STXBP3: variants seen among roughly 807,000 people sequenced by gnomAD.
The protein encoded by STXBP3 is syntaxin binding protein 3, also known as syntaxin-binding protein 3.
Under a neutral mutation model 85.7 loss-of-function variants are expected in STXBP3, and 41 were observed. The observed-to-expected ratio is 0.48, with a 90% CI of 0.37 to 0.62. STXBP3 has a LOEUF of 0.62. Ranked by LOEUF, STXBP3 falls within the 20% of genes least tolerant of loss-of-function variation. The pLI is 0.00. For missense variants in STXBP3, 563 were observed against 703.1 expected (o/e 0.80, Z 2.25); for synonymous variants, 229 against 231.7 (o/e 0.99, Z 0.10).
Position 108,760,103 on chromosome 1 carries a change from T to C in STXBP3, c.438+18T>C. 1 of 1,482,452 alleles carries C rather than the reference T, an allele frequency of 6.7e-7. No individual in the cohort carries two copies. 91.8% of individuals were successfully genotyped at this position (1,482,452 alleles called of 1,614,324 possible). A position where few individuals can be genotyped will look rare whatever the true frequency, so the allele number is the denominator to read the frequency against. On this transcript the variant is annotated intron_variant, in intron 6 of 18. Coordinates refer to ENST00000370008, the MANE Select transcript of STXBP3 (RefSeq NM_007269.4). ...AATCTCAGGTACTTTCTATTTTTAT[T>C]TTTTAGTTCATGAGAGGTTTCAAAT...
intron 7 of STXBP3, among the ~76,000 whole-genome samples, chr1:108,775,898 A>G (rs1056094699): frequency 9.2e-5 from 14 of 151,884 alleles, no homozygotes; most frequent in African/African-American, 1.5e-4. Flanking sequence ...ATGTGTGTCA[A>G]TGTCAATGTA....
intron 6 of STXBP3, chr1:108,766,833 A>G (rs1662273375): frequency 2.8e-6 from 1 of 359,422 alleles, no homozygotes; most frequent in Admixed American, 3.5e-5. Flanking sequence ...ATGCCCTTTT[A>G]GTTGCTTTAA....
At chr1:108,783,713 G>A (rs112277318) in intron 11 of STXBP3, among the ~76,000 whole-genome samples, 1 of 152,146 alleles carries the variant, frequency 6.6e-6, no homozygotes, top group Non-Finnish European at 1.5e-5. Context: ...GTAGGATTGT[G>A]TTTAGCTTTA....
intron 7 of STXBP3, among the ~76,000 whole-genome samples, chr1:108,775,920 A>AACACACACACACACAC (rs59575550): frequency 6.7e-6 from 1 of 149,984 alleles, no homozygotes; most frequent in Admixed American, 6.7e-5. Context: ...ATAAATCTCA[A>AACACACACACACACAC]ACACACACAC....
chr1:108,788,090 C>G (rs1231948425), intron 11 of STXBP3, among the ~76,000 whole-genome samples: 33 of 152,150 alleles, frequency 2.2e-4, no homozygotes, highest in Non-Finnish European at 1.5e-5. Context: ...CCACACCCAG[C>G]CTGTTTCTGT....
intron 7 of STXBP3, among the ~76,000 whole-genome samples, chr1:108,774,274 T>A (rs1662539224): frequency 6.6e-6 from 1 of 152,142 alleles, no homozygotes; most frequent in African/African-American, 2.4e-5. Context: ...TAATAATACC[T>A]ACCATATACA....
chr1:108,752,183 G>C (rs368773307), intron 1 of STXBP3, 74 bp from the exon 2 acceptor site: 1 of 1,359,602 alleles, frequency 7.4e-7, no homozygotes, highest in African/African-American at 1.5e-5. Context: ...TTTTTCCTTA[G>C]CCATTTTGGA....
intron 6 of STXBP3, among the ~76,000 whole-genome samples, chr1:108,765,993 C>G (rs182628743): frequency 2.6e-3 from 400 of 151,734 alleles, no homozygotes; most frequent in Non-Finnish European, 4.8e-3. Context: ...GCTGGGATTA[C>G]AGGCATGTGC....
At chr1:108,802,469 C>T (rs1663252372) in intron 17 of STXBP3, among the ~76,000 whole-genome samples, 1 of 152,130 alleles carries the variant, frequency 6.6e-6, no homozygotes, top group Non-Finnish European at 1.5e-5. Flanking sequence ...CCACACCTAG[C>T]AAAGCTGCAG....
chr1:108,758,875 G>A (rs1177117579), intron 5 of STXBP3, among the ~76,000 whole-genome samples: 4 of 152,208 alleles, frequency 2.6e-5, no homozygotes, highest in Non-Finnish European at 4.4e-5. Context: ...GGGATGTGAG[G>A]GATGGGTGGA....
intron 6 of STXBP3, among the ~76,000 whole-genome samples, chr1:108,771,442 C>T: frequency 4.1e-5 from 1 of 24,300 alleles, no homozygotes; most frequent in East Asian, 3.9e-4. Context: ...TGATATATAT[C>T]TATATATATC....
At chr1:108,804,455 T>C (rs1663289350) in intron 17 of STXBP3, among the ~76,000 whole-genome samples, 1 of 152,220 alleles carries the variant, frequency 6.6e-6, no homozygotes, top group African/African-American at 2.4e-5. Context: ...TAAACATACC[T>C]AATTTGTAGT....
chr1:108,759,183 G>A (rs1283563023), intron 5 of STXBP3: 1 of 152,116 alleles, frequency 6.6e-6, no homozygotes, highest in Non-Finnish European at 1.5e-5. Context: ...TCATATCTAA[G>A]TTAAGTCTTG....
At chr1:108,757,810 T>C (rs1462038826) in intron 4 of STXBP3, among the ~76,000 whole-genome samples, 2 of 152,038 alleles carry the variant, frequency 1.3e-5, no homozygotes, top group Non-Finnish European at 2.9e-5. Context: ...TAGTAGTAAA[T>C]AAATCTAATT....
chr1:108,778,472 T>C (rs949048947), intron 8 of STXBP3, among the ~76,000 whole-genome samples: 2 of 152,182 alleles, frequency 1.3e-5, no homozygotes, highest in Non-Finnish European at 2.9e-5. Flanking sequence ...AGCACAGATG[T>C]TGGAGCAAAC....
chr1:108,797,055 T>C (rs572109407), intron 15 of STXBP3, among the ~76,000 whole-genome samples: 1 of 152,130 alleles, frequency 6.6e-6, no homozygotes, highest in African/African-American at 2.4e-5. Flanking sequence ...TTTTCTTGAT[T>C]AAAAAAATTT....
At chr1:108,788,899 TA>T (rs1204918082) in intron 11 of STXBP3, among the ~76,000 whole-genome samples, 1 of 151,540 alleles carries the variant, frequency 6.6e-6, no homozygotes, top group East Asian at 1.9e-4. Context: ...CTGTCTCTAC[TA>T]AAAAAAATAC....
chr1:108,762,439 A>T (rs1662159165), intron 6 of STXBP3, among the ~76,000 whole-genome samples: 1 of 152,036 alleles, frequency 6.6e-6, no homozygotes, highest in African/African-American at 2.4e-5. Context: ...TCTCCTAGGC[A>T]TGGCCCTTAT....
At chr1:108,763,275 A>T (rs1349836260) in intron 6 of STXBP3, among the ~76,000 whole-genome samples, 1 of 152,138 alleles carries the variant, frequency 6.6e-6, no homozygotes, top group East Asian at 1.9e-4. Context: ...CCAAAAACCA[A>T]CCCAAATTAT....
Sources: gnomAD v4.1 joint callset for allele counts (sites outside exome capture counted in the v4.1 genomes callset) on GRCh38, gnomAD v4.1.1 for gene constraint, MANE v1.5 for transcripts, NCBI Gene and HGNC (gene_info 2026-07-23, HGNC 2026-07-21) for gene names.